NCKAP5: variants seen among roughly 807,000 people sequenced by gnomAD.
NCKAP5 encodes the protein NCK associated protein 5.
NCKAP5 carries 92 observed loss-of-function variants against 167.0 expected under a neutral mutation model. The ratio of observed to expected loss-of-function variants is 0.55; its 90% CI spans 0.47 to 0.66. NCKAP5 has a LOEUF of 0.66. NCKAP5 is among the 30% of genes least tolerant of loss of function. The probability of loss-of-function intolerance (pLI) is 0.00; values close to 1 mark genes in which losing one functional copy is unlikely to be tolerated. For synonymous variants in NCKAP5, 891 were observed against 877.4 expected (o/e 1.02, Z -0.27); for missense variants, 2,378 against 2,315.0 (o/e 1.03, Z -0.56).
At chr2:132,844,224 A>G (rs12623292) in intron 11 of NCKAP5, among the ~76,000 whole-genome samples, 6,815 of 152,164 alleles carry the variant, frequency 0.045, 181 homozygotes, top group East Asian at 0.095. Flanking sequence ...TTTTTTCTCA[A>G]TATTTATAAA....
the NCKAP5 span, among the ~76,000 whole-genome samples, chr2:133,622,716 A>G: frequency 6.6e-6 from 1 of 152,150 alleles, no homozygotes; most frequent in East Asian, 1.9e-4. Flanking sequence ...TCAGTATTGT[A>G]AAAATGATCA....
chr2:133,406,121 A>T (rs778468830), intron 3 of NCKAP5, among the ~76,000 whole-genome samples: 3 of 152,172 alleles, frequency 2.0e-5, no homozygotes, highest in African/African-American at 7.2e-5. Context: ...TGTCATCAAT[A>T]AGTCAACAGC....
chr2:133,472,414 GA>G (rs1319746298), intron 3 of NCKAP5, among the ~76,000 whole-genome samples: 2 of 151,982 alleles, frequency 1.3e-5, no homozygotes, highest in African/African-American at 4.8e-5. Flanking sequence ...ATTATATGAT[GA>G]AGATCTTGGT....
At chr2:133,073,508 A>G (rs1318697687) in intron 6 of NCKAP5, among the ~76,000 whole-genome samples, 2 of 152,192 alleles carry the variant, frequency 1.3e-5, no homozygotes, top group African/African-American at 4.8e-5. Flanking sequence ...GCCAGTCTGA[A>G]CAGGACCACA....
intron 2 of NCKAP5, among the ~76,000 whole-genome samples, chr2:133,552,815 C>T (rs1687456274): frequency 6.6e-6 from 1 of 151,854 alleles, no homozygotes. Flanking sequence ...GGAAAGAAAG[C>T]AGATGAACGA....
rs2086300378 is a variant in NCKAP5, at chr2:133,213,623, T to C, written c.207+93A>G. 3 of 1,224,436 alleles carry C rather than the reference T, an allele frequency of 2.5e-6. No homozygotes were observed. The South Asian group carries it at 3.9e-5, about 16-fold the overall frequency. 75.8% of individuals were successfully genotyped at this position (1,224,436 alleles called of 1,614,324 possible). The stretch of plus-strand genomic sequence containing the variant: ...TATCATTAAGTTTGCTGCAAGCAAA[T>C]ATTTTCCTTAGATATCCTTAATGAG... On this transcript the variant is annotated intron_variant, in intron 5 of 19. Transcript: ENST00000409261.
chr2:133,594,223 G>A, the NCKAP5 span, among the ~76,000 whole-genome samples: 12 of 152,300 alleles, frequency 7.9e-5, no homozygotes, highest in Non-Finnish European at 1.3e-4. Flanking sequence ...TTAGGTGGCT[G>A]GGTTACCATC....
intron 3 of NCKAP5, among the ~76,000 whole-genome samples, chr2:133,373,162 C>T (rs1685910408): frequency 1.3e-5 from 2 of 152,178 alleles, no homozygotes; most frequent in Admixed American, 6.5e-5. Context: ...CGGGTTCAAG[C>T]AAGCCTTGTG....
At chr2:133,047,602 C>T (rs1432062734) in intron 6 of NCKAP5, among the ~76,000 whole-genome samples, 2 of 152,172 alleles carry the variant, frequency 1.3e-5, no homozygotes, top group African/African-American at 2.4e-5. Context: ...CCACCTCCTC[C>T]TAATTGCCTG....
At chr2:132,982,595 G>A (rs2077172565) in intron 7 of NCKAP5, among the ~76,000 whole-genome samples, 1 of 152,172 alleles carries the variant, frequency 6.6e-6, no homozygotes, top group Admixed American at 6.5e-5. Context: ...CAGGTTAGGG[G>A]TATGACTGAT....
intron 4 of NCKAP5, among the ~76,000 whole-genome samples, chr2:133,273,693 T>C (rs2089608569): frequency 6.6e-6 from 1 of 151,834 alleles, no homozygotes; most frequent in Admixed American, 6.6e-5. Flanking sequence ...GTGTGGAAAA[T>C]TATAACAGTA....
intron 6 of NCKAP5, among the ~76,000 whole-genome samples, chr2:133,051,773 T>A (rs973265646): frequency 6.6e-6 from 1 of 152,226 alleles, no homozygotes; most frequent in African/African-American, 2.4e-5. Flanking sequence ...TAAGTTACTA[T>A]CAAAAATGTT....
the NCKAP5 span, among the ~76,000 whole-genome samples, chr2:133,578,692 C>T: frequency 6.6e-6 from 1 of 152,220 alleles, no homozygotes; most frequent in Admixed American, 6.5e-5. Context: ...CTTCCCCTCC[C>T]TCCCATGGAT....
intron 4 of NCKAP5, among the ~76,000 whole-genome samples, chr2:133,254,729 A>T (rs2088530314): frequency 6.6e-6 from 1 of 152,172 alleles, no homozygotes; most frequent in Non-Finnish European, 1.5e-5. Context: ...AAGTTATCCT[A>T]GGTCAGGATT....
At chr2:132,974,538 C>T (rs761396987) in intron 7 of NCKAP5, among the ~76,000 whole-genome samples, 3 of 152,112 alleles carry the variant, frequency 2.0e-5, no homozygotes, top group Non-Finnish European at 4.4e-5. Context: ...TGTTAGGTGA[C>T]CCGTTTAATA....
rs533848959 is a variant in NCKAP5, at chr2:133,395,861, G to T, written c.70-92751C>A. Among the ~76,000 whole-genome samples the T allele has an allele frequency of 5.5e-4, 84 of 152,120 alleles. 1 individual carries two copies. The South Asian group carries it at 0.017, about 30-fold the overall frequency. ...GGTTCCCTCTATGTTGCCCAGGCTT[G>T]TCTTGAACTCCTGGCTTCAAGCAAT... On this transcript the variant is annotated intron_variant, in intron 3 of 19. Transcript: ENST00000409261.
chr2:133,436,904 T>C (rs1201675830), intron 3 of NCKAP5, among the ~76,000 whole-genome samples: 1 of 152,100 alleles, frequency 6.6e-6, no homozygotes, highest in Non-Finnish European at 1.5e-5. Context: ...TGGTGCTCCC[T>C]TGAGTCTCAA....
intron 3 of NCKAP5, among the ~76,000 whole-genome samples, chr2:133,426,524 C>T (rs4953881): frequency 6.6e-6 from 1 of 150,688 alleles, no homozygotes; most frequent in South Asian, 2.1e-4. Flanking sequence ...AAATCAGATA[C>T]AGACACTATA....
At chr2:132,924,392 G>A (rs939160122) in intron 8 of NCKAP5, among the ~76,000 whole-genome samples, 1 of 152,056 alleles carries the variant, frequency 6.6e-6, no homozygotes, top group Non-Finnish European at 1.5e-5. Flanking sequence ...TTAAAAGACT[G>A]AATTTTTAAA....
Sources: allele counts gnomAD v4.1 joint callset (sites outside exome capture counted in the v4.1 genomes callset), GRCh38; gene constraint gnomAD v4.1.1; transcripts MANE v1.5; gene names NCBI Gene and HGNC (gene_info 2026-07-23, HGNC 2026-07-21).